CLIP2: variants seen among roughly 807,000 people sequenced by gnomAD.
The protein encoded by CLIP2 is CAP-Gly domain-containing linker protein 2.
A neutral mutation model predicts 111.7 loss-of-function variants in CLIP2; 41 were observed. The observed-to-expected ratio is 0.37, with a 90% CI of 0.29 to 0.48. The LOEUF is 0.48. CLIP2 is among the 20% of genes least tolerant of loss of function. The pLI, the probability that CLIP2 is intolerant of heterozygous loss-of-function variation, is 0.99. For missense variants in CLIP2, 1,160 were observed against 1,422.1 expected, an observed-to-expected ratio of 0.82 and a Z score of 2.96; for synonymous variants, 660 against 644.2, an observed-to-expected ratio of 1.02 and a Z score of -0.37.
intron 13 of CLIP2, among the ~76,000 whole-genome samples, chr7:74,390,154 G>A (rs1420849770): frequency 2.2e-5 from 1 of 46,228 alleles, no homozygotes; most frequent in African/African-American, 1.1e-4. Context: ...GAAAGAAAAA[G>A]AAAGAAAGAA....
chr7:74,360,211 C>T lies in CLIP2; in HGVS notation c.1252C>T (p.Arg418Trp), dbSNP rs202062702. The T allele has an allele frequency of 2.1e-5, 34 of 1,607,850 alleles. No individual in the cohort carries two copies. Among genetic ancestry groups the T allele is most frequent in the African/African-American group, 5.3e-5 (4 of 74,852 alleles). The change falls in exon 7 of 17, where the codon CGG (arginine) becomes TGG (tryptophan). Residue 418 changes from arginine to tryptophan, a missense_variant. Physicochemically the swap from Arg to Trp is moderately radical, Grantham distance 101. Coordinates refer to ENST00000223398, the MANE Select transcript of CLIP2 (RefSeq NM_003388.5). ...AGCCGAGGAGAAGCTGCAGCGAGCCCGGCTGCTCGTGGAGAGCGTGCGGAA... is the reference window on the plus strand; with the variant it reads ...AGCCGAGGAGAAGCTGCAGCGAGCCTGGCTGCTCGTGGAGAGCGTGCGGAA... ...AEAEEKLQRA[R>W]LLVESVRKEK...
chr7:74,402,614 C>T (rs1370875411), intron 16 of CLIP2, among the ~76,000 whole-genome samples: 1 of 152,120 alleles, frequency 6.6e-6, no homozygotes, highest in Non-Finnish European at 1.5e-5. Flanking sequence ...ATCACTCAAG[C>T]CCAGGAGTTT....
chr7:74,323,899 T>G (rs1305836339), intron 2 of CLIP2, among the ~76,000 whole-genome samples: 9 of 152,194 alleles, frequency 5.9e-5, no homozygotes, highest in Non-Finnish European at 1.3e-4. Flanking sequence ...CAAAATCGCC[T>G]AATGATGCAT....
intron 14 of CLIP2, 25 bp downstream of exon 14, chr7:74,397,258 G>A: frequency 2.5e-6 from 4 of 1,609,712 alleles, no homozygotes; most frequent in Non-Finnish European, 3.4e-6. Flanking sequence ...GGTGGCCTAG[G>A]GGCAGGGGCA....
chr7:74,347,677 C>G (rs563297345), intron 3 of CLIP2, among the ~76,000 whole-genome samples: 1 of 152,210 alleles, frequency 6.6e-6, no homozygotes, highest in African/African-American at 2.4e-5. Flanking sequence ...CTGGAGAAAA[C>G]AGCTGGTCCT....
chr7:74,339,120 C>A, intron 3 of CLIP2, 116 bp downstream of exon 3: 1 of 921,126 alleles, frequency 1.1e-6, no homozygotes. Context: ...GAAGGGGGCT[C>A]GGACAGGGTC....
rs138419844 is a variant in CLIP2 at position 74,366,584 on chromosome 7, G to A, written c.1380+2269G>A. ...GCTTTCGCAGTTCTGGAAGCCAGAA[G>A]TCTAAAATAAAGGCTGGGCGTGGTG... On this transcript the variant is annotated intron_variant, in intron 8 of 16. Transcript: ENST00000223398. Among the ~76,000 whole-genome samples, 9 of 152,354 alleles carry A rather than the reference G, an allele frequency of 5.9e-5. 1 individual carries two copies. The highest frequency in any genetic ancestry group is 2.2e-4 in the African/African-American group (9 of 41,592).
intron 3 of CLIP2, among the ~76,000 whole-genome samples, chr7:74,349,058 A>C (rs1554306969): frequency 1.3e-5 from 2 of 152,158 alleles, no homozygotes. Context: ...AAGTGGAAGC[A>C]ACCCAATTGT....
intron 11 of CLIP2, chr7:74,381,444 C>G: frequency 3.0e-6 from 1 of 333,402 alleles, no homozygotes; most frequent in South Asian, 2.5e-5. Flanking sequence ...GCCTTGGCCT[C>G]CCGAAGTGTT....
chr7:74,293,548 T>TG lies in CLIP2; in HGVS notation c.-68+3821dup, dbSNP rs1196891050. ...AGCCCACCCGCCTCTGCTCGGCTAG[T>TG]GGGGGGGCAGGTCACGTGGTCTCTG... On this transcript the variant is annotated intron_variant, in intron 1 of 16. Transcript: ENST00000223398. 6.6e-5 allele frequency among the ~76,000 whole-genome samples: 10 copies of TG among 151,736 alleles called. 1 individual carries two copies. The highest frequency in any genetic ancestry group is 4.2e-4 in the South Asian group (2 of 4,818).
chr7:74,310,036 CAAAAAAAAAAAAAAAAAAAAAA>C (rs71094774), intron 1 of CLIP2, among the ~76,000 whole-genome samples: 84 of 92,484 alleles, frequency 9.1e-4, no homozygotes, highest in Admixed American at 1.3e-3. Flanking sequence ...CCTGTCTCTA[CAAAAAAAAAAAAAAAAAAAAAA>C]AAAAAAAAAA....
chr7:74,338,517 CG>C lies in CLIP2; in HGVS notation c.194del (p.Gly65AlafsTer23). On this transcript the variant is annotated frameshift_variant, in exon 3 of 17. Coordinates refer to ENST00000223398, the MANE Select transcript of CLIP2 (RefSeq NM_003388.5). LOFTEE classifies it high-confidence loss of function. The surrounding 1 kb of genome is among the most constrained non-coding windows in gnomAD (Gnocchi z 4.3). ...GCCGCAGCTGCTGCCCCCGAGAAGCCGGGCCCCAAGGCGGCGGAAGTGGGGG... is the reference window on the plus strand; with the variant it reads ...GCCGCAGCTGCTGCCCCCGAGAAGCCGGCCCCAAGGCGGCGGAAGTGGGGG... ...SPAAAAAPEK[P>X]GPKAAEVGDD... 1 of 1,610,074 alleles carries C rather than the reference CG, an allele frequency of 6.2e-7. No homozygotes were observed. Among genetic ancestry groups the C allele is most frequent in the Non-Finnish European group, 8.5e-7 (1 of 1,178,822 alleles).
chr7:74,340,263 G>C (rs553554788), intron 3 of CLIP2, among the ~76,000 whole-genome samples: 7 of 152,218 alleles, frequency 4.6e-5, no homozygotes, highest in Admixed American at 3.9e-4. Context: ...GGCTGTGATG[G>C]CGTGTGCCTA....
Position 74,373,298 on chromosome 7 carries a change from G to A in CLIP2, c.1485+262G>A, listed in dbSNP as rs543194131. On this transcript the variant is annotated intron_variant, in intron 9 of 16. Coordinates refer to ENST00000223398, the MANE Select transcript of CLIP2 (RefSeq NM_003388.5). ...GGATCGCCTGAGGTCAGGAGTTCGA[G>A]ACCAGCCTGGCCAACATGGTGAAAC... is the stretch of plus-strand genomic sequence containing the variant. Among the ~76,000 whole-genome samples, 260 of 152,224 alleles carry A rather than the reference G, an allele frequency of 1.7e-3. 1 individual carries two copies. The highest frequency in any genetic ancestry group is 4.6e-3 in the South Asian group (22 of 4,818).
At chr7:74,346,240 C>G (rs1789792422) in intron 3 of CLIP2, among the ~76,000 whole-genome samples, 1 of 152,140 alleles carries the variant, frequency 6.6e-6, no homozygotes. Flanking sequence ...CTCAGTCTCC[C>G]AAAGTGTTGG....
At chr7:74,333,882 G>A (rs913044619) in intron 2 of CLIP2, among the ~76,000 whole-genome samples, 1 of 152,176 alleles carries the variant, frequency 6.6e-6, no homozygotes, top group Non-Finnish European at 1.5e-5. Flanking sequence ...GGGCAGTGAG[G>A]CCCAGGCTGT....
chr7:74,306,769 C>T (rs559760458), intron 1 of CLIP2, among the ~76,000 whole-genome samples: 8 of 152,296 alleles, frequency 5.3e-5, no homozygotes, highest in South Asian at 2.1e-4. Context: ...CCCGAGCAGC[C>T]GGGCATACTC....
intron 12 of CLIP2, among the ~76,000 whole-genome samples, chr7:74,387,113 C>T (rs1260377677): frequency 2.0e-5 from 3 of 151,944 alleles, no homozygotes; most frequent in Non-Finnish European, 2.9e-5. Flanking sequence ...ACATGTGGTC[C>T]ATCCTATAAT....
At chr7:74,374,090 C>T (rs1414937578) in intron 9 of CLIP2, among the ~76,000 whole-genome samples, 1 of 152,050 alleles carries the variant, frequency 6.6e-6, no homozygotes, top group Non-Finnish European at 1.5e-5. Context: ...AACAGCCAGC[C>T]GGCCCCCCAG....
Sources: allele counts gnomAD v4.1 joint callset (sites outside exome capture counted in the v4.1 genomes callset), GRCh38; gene constraint gnomAD v4.1.1; non-coding constraint Gnocchi (gnomAD v3.1); transcripts MANE v1.5; gene names NCBI Gene and HGNC (gene_info 2026-07-23, HGNC 2026-07-21).